Variants in NAMPT observed in about 807,000 individuals in gnomAD.
The protein encoded by NAMPT is nicotinamide phosphoribosyltransferase.
Under a neutral mutation model 58.7 loss-of-function variants are expected in NAMPT, and 7 were observed. That is an observed-to-expected ratio of 0.12 (90% CI 0.07 to 0.22). NAMPT has a LOEUF of 0.22. Ranked by LOEUF, NAMPT falls within the 10% of genes least tolerant of loss-of-function variation. NAMPT has a pLI of 1.00. For missense variants in NAMPT, 271 were observed against 567.9 expected (o/e 0.48, Z 5.31); for synonymous variants, 145 against 198.1 (o/e 0.73, Z 2.25).
intron 10 of NAMPT, 38 bp from the exon 11 acceptor site, chr7:106,251,231 T>G (rs759238218): frequency 7.7e-7 from 1 of 1,306,258 alleles, no homozygotes; most frequent in East Asian, 2.3e-5. Flanking sequence ...ATTACATTAT[T>G]AAGCAAAATA....
chr7:106,258,834 TGATCAGGGTTGCTGAA>T (rs1792254339), intron 8 of NAMPT, among the ~76,000 whole-genome samples: 1 of 43,194 alleles, frequency 2.3e-5, no homozygotes, highest in Admixed American at 5.0e-4. Flanking sequence ...GGCTGCTGAC[TGATCAGGGTTGCTGAA>T]GGTTTTGGGG....
intron 1 of NAMPT, among the ~76,000 whole-genome samples, chr7:106,278,639 T>C (rs1250158765): frequency 2.0e-5 from 3 of 152,142 alleles, no homozygotes; most frequent in Admixed American, 2.0e-4. Flanking sequence ...ACAAATATAT[T>C]TATGAATGAG....
upstream of NAMPT, chr7:106,285,185 G>C (rs1396882009): frequency 2.5e-6 from 3 of 1,220,848 alleles, no homozygotes; most frequent in Admixed American, 8.4e-5. Flanking sequence ...AGGGCGGGGC[G>C]CGGCAGCGCG....
rs74536656 is a variant in NAMPT, at chr7:106,262,450, T to G, written c.970-743A>C. Reference sequence around the variant, plus strand: ...AATCAGTTTCTCATAACTAGCTGTGTACATTTTTTATTACGTAACAGTAAA... The same window carrying G: ...AATCAGTTTCTCATAACTAGCTGTGGACATTTTTTATTACGTAACAGTAAA... On this transcript the variant is annotated intron_variant, in intron 7 of 10. Coordinates refer to ENST00000222553, the MANE Select transcript of NAMPT (RefSeq NM_005746.3). Among the ~76,000 whole-genome samples the G allele has an allele frequency of 8.1e-3, 1,229 of 152,264 alleles. 11 individuals are homozygous for G. The highest frequency in any genetic ancestry group is 0.013 in the Non-Finnish European group (894 of 67,956).
At chr7:106,279,043 T>C (rs1357808867) in intron 1 of NAMPT, among the ~76,000 whole-genome samples, 3 of 152,202 alleles carry the variant, frequency 2.0e-5, no homozygotes, top group Non-Finnish European at 4.4e-5. Flanking sequence ...TTTAACTCTG[T>C]ATCTTGGTCT....
chr7:106,285,134 G>A, upstream of NAMPT: 1 of 1,296,052 alleles, frequency 7.7e-7, no homozygotes, highest in Non-Finnish European at 9.8e-7. Context: ...CCCCACCTCG[G>A]TTCCCCCGCC....
In NAMPT at chr7:106,284,964, GC is replaced by G; in HGVS notation, c.-81del. 2 of 1,534,680 alleles carry G rather than the reference GC, an allele frequency of 1.3e-6. No homozygotes were observed. The highest frequency in any genetic ancestry group is 1.8e-6 in the Non-Finnish European group (2 of 1,135,260). ...GAAGGAGAAAAATGAGCTTCACCGCGCTCCGTTGCTTAAGTCACTGCTCGGT... is the reference window on the plus strand; with the variant it reads ...GAAGGAGAAAAATGAGCTTCACCGCGTCCGTTGCTTAAGTCACTGCTCGGT... On this transcript the variant is annotated 5_prime_UTR_variant, in exon 1 of 11. Coordinates refer to ENST00000222553, the MANE Select transcript of NAMPT (RefSeq NM_005746.3).
intron 6 of NAMPT, among the ~76,000 whole-genome samples, chr7:106,267,876 A>AAACAAAAAAAAAC (rs1189395299): frequency 1.2e-4 from 16 of 130,394 alleles, no homozygotes; most frequent in Non-Finnish European, 2.2e-4. Flanking sequence ...AAAAAAAAAA[A>AAACAAAAAAAAAC]CAACCTGATT....
chr7:106,285,688 C>T, upstream of NAMPT: 1 of 667,706 alleles, frequency 1.5e-6, no homozygotes, highest in Non-Finnish European at 1.9e-6. Context: ...AGCGACTCCG[C>T]TTTCCTCCGG....
intron 4 of NAMPT, among the ~76,000 whole-genome samples, chr7:106,271,020 T>C (rs1010052363): frequency 1.3e-5 from 2 of 152,224 alleles, no homozygotes; most frequent in African/African-American, 4.8e-5. Flanking sequence ...TGCCCATGAT[T>C]ATCCTACCTC....
chr7:106,276,963 A>G (rs1792659270), intron 2 of NAMPT, 60 bp downstream of exon 2: 2 of 1,309,318 alleles, frequency 1.5e-6, no homozygotes, highest in Non-Finnish European at 2.2e-6. Context: ...ATTCTAAAAG[A>G]ACTCCTAAAG....
chr7:106,279,270 T>C (rs886526299), intron 1 of NAMPT, among the ~76,000 whole-genome samples: 5 of 152,228 alleles, frequency 3.3e-5, no homozygotes, highest in African/African-American at 1.2e-4. Flanking sequence ...TAAAAATCTT[T>C]GGAGAACCTT....
chr7:106,275,123 A>G (rs1445030046), intron 2 of NAMPT, 74 bp from the exon 3 acceptor site: 3 of 912,024 alleles, frequency 3.3e-6, no homozygotes, highest in Non-Finnish European at 5.2e-6. Flanking sequence ...CACAGACTTA[A>G]TATCTTTGGC....
chr7:106,268,658 C>A, intron 5 of NAMPT, 58 bp from the exon 6 acceptor site: 3 of 1,259,468 alleles, frequency 2.4e-6, no homozygotes, highest in Non-Finnish European at 3.5e-6. Flanking sequence ...ATTAATAATA[C>A]CAGGATGCAG....
chr7:106,258,476 G>C (rs534021803), intron 8 of NAMPT, among the ~76,000 whole-genome samples: 1 of 152,184 alleles, frequency 6.6e-6, no homozygotes, highest in Admixed American at 6.5e-5. Context: ...CATTATGTTA[G>C]TGATATTCTA....
chr7:106,258,087 T>C (rs1320000817), intron 8 of NAMPT, among the ~76,000 whole-genome samples: 2 of 152,210 alleles, frequency 1.3e-5, no homozygotes, highest in Non-Finnish European at 2.9e-5. Flanking sequence ...TTTCTTCTAT[T>C]TCTTTTTTCC....
At position 106,284,892 on chromosome 7, in the gene NAMPT, C is replaced by T; in HGVS notation, c.-8G>A. 1.3e-6 allele frequency: 2 copies of T among 1,583,024 alleles called. No individual in the cohort carries two copies. Among genetic ancestry groups the T allele is most frequent in the African/African-American group, 1.3e-5 (1 of 74,434 alleles). On this transcript the variant is annotated 5_prime_UTR_variant, in exon 1 of 11. Coordinates refer to ENST00000222553, the MANE Select transcript of NAMPT (RefSeq NM_005746.3). ...TTCTGCCGCAGGATTCATCTCGGGC[C>T]GGAGGACAGGGGCCGCGCGCCGCGA...
chr7:106,284,738 A>AACCCCC, intron 1 of NAMPT, 90 bp downstream of exon 1: 77 of 485,990 alleles, frequency 1.6e-4, no homozygotes, highest in Non-Finnish European at 2.1e-4. Flanking sequence ...CCCAGCCCCA[A>AACCCCC]CCCCAGCCCC....
At chr7:106,285,194 C>T (rs1401663363), upstream of NAMPT, 2 of 1,208,566 alleles carry the variant, frequency 1.7e-6, no homozygotes, top group Admixed American at 4.3e-5. Flanking sequence ...CGCGGCAGCG[C>T]GCTGCGCAGT....
Sources: gnomAD v4.1 joint callset for allele counts (sites outside exome capture counted in the v4.1 genomes callset) on GRCh38, gnomAD v4.1.1 for gene constraint, MANE v1.5 for transcripts, NCBI Gene and HGNC (gene_info 2026-07-23, HGNC 2026-07-21) for gene names.